The following LURAP1L variants were observed in gnomAD, a reference collection of about 807,000 sequenced individuals.
LURAP1L encodes the protein leucine rich adaptor protein 1-like.
In LURAP1L, 12 loss-of-function variants were observed where a neutral mutation model predicts 13.8. That is an observed-to-expected ratio of 0.87 (90% CI 0.56 to 1.41). The LOEUF is 1.41. LURAP1L is among the 40% of genes most tolerant of loss of function. The pLI, the probability that LURAP1L is intolerant of heterozygous loss-of-function variation, is 0.00. For synonymous variants in LURAP1L, 139 were observed against 119.2 expected (o/e 1.17, Z -1.08); for missense variants, 375 against 292.9 (o/e 1.28, Z -2.04).
intron 1 of LURAP1L, among the ~76,000 whole-genome samples, chr9:12,803,713 A>C (rs964327735): frequency 3.3e-5 from 5 of 152,216 alleles, no homozygotes; most frequent in African/African-American, 1.2e-4. Context: ...AGTGTGTCTT[A>C]ATAAATGTAA....
At chr9:12,788,897 A>C (rs1040111842) in intron 1 of LURAP1L, among the ~76,000 whole-genome samples, 1 of 148,828 alleles carries the variant, frequency 6.7e-6, no homozygotes, top group Non-Finnish European at 1.5e-5. Context: ...CCCTATATCT[A>C]TATATATATA....
At chr9:12,777,714 G>GTCCCA (rs1481725153) in intron 1 of LURAP1L, 1 of 338,698 alleles carries the variant, frequency 3.0e-6, no homozygotes, top group Non-Finnish European at 4.2e-6. Flanking sequence ...ACCCCACCCT[G>GTCCCA]TCCCAAGGAA....
intron 1 of LURAP1L, among the ~76,000 whole-genome samples, chr9:12,815,779 T>G (rs1413383418): frequency 6.6e-6 from 1 of 152,198 alleles, no homozygotes; most frequent in Non-Finnish European, 1.5e-5. Context: ...GAAGATATAT[T>G]CAGCAGCTCA....
chr9:12,787,601 G>C (rs2118479886), intron 1 of LURAP1L, among the ~76,000 whole-genome samples: 1 of 152,218 alleles, frequency 6.6e-6, no homozygotes, highest in South Asian at 2.1e-4. Context: ...ATCAACCTTT[G>C]GTTGAACTTC....
At chr9:12,815,003 AT>A (rs1285127662) in intron 1 of LURAP1L, among the ~76,000 whole-genome samples, 1 of 152,198 alleles carries the variant, frequency 6.6e-6, no homozygotes, top group Non-Finnish European at 1.5e-5. Context: ...CTTTTGCATA[AT>A]TGTAGGCTTT....
intron 1 of LURAP1L, among the ~76,000 whole-genome samples, chr9:12,820,374 G>T (rs1160735396): frequency 6.6e-6 from 1 of 151,844 alleles, no homozygotes; most frequent in Non-Finnish European, 1.5e-5. Context: ...GTGGTGGCGG[G>T]GGCCTGTAGT....
rs1156319988 is a variant in LURAP1L at position 12,820,508 on chromosome 9, C to A, written c.313-878C>A. 8.2e-4 allele frequency among the ~76,000 whole-genome samples: 64 copies of A among 77,624 alleles called. 4 individuals are homozygous for A. Among genetic ancestry groups the A allele is most frequent in the African/African-American group, 2.8e-3 (59 of 21,298 alleles). The allele number at this position is 77,624 out of a possible 152,430, so 50.9% of individuals were successfully genotyped here. On this transcript the variant is annotated intron_variant, in intron 1 of 1. Transcript: ENST00000319264. ...ACAGATCGAGACTCCGTCCCCCCCC[C>A]CCCCCCAAAAAAAAAAAAGGACCAC... is the stretch of plus-strand genomic sequence containing the variant.
chr9:12,786,676 A>G (rs1474452556), intron 1 of LURAP1L, among the ~76,000 whole-genome samples: 1 of 149,906 alleles, frequency 6.7e-6, no homozygotes, highest in Admixed American at 6.7e-5. Context: ...GATGCTCATG[A>G]TAACAAAACA....
At chr9:12,781,020 G>A (rs1586874080) in intron 1 of LURAP1L, among the ~76,000 whole-genome samples, 1 of 152,084 alleles carries the variant, frequency 6.6e-6, no homozygotes, top group East Asian at 1.9e-4. Context: ...TGCCCAGGCT[G>A]GAGTGCAATG....
chr9:12,821,656 A>G lies in LURAP1L; in HGVS notation c.583A>G (p.Thr195Ala). 6.2e-7 allele frequency: 1 copy of G among 1,614,112 alleles called. No individual in the cohort carries two copies. Residue 195 changes from threonine to alanine, a missense_variant, in exon 2 of 2, where the codon ACC becomes GCC. By Grantham distance (58) the Thr-to-Ala change is moderately conservative. Coordinates refer to ENST00000319264, the MANE Select transcript of LURAP1L (RefSeq NM_203403.2). The part of the protein sequence containing the change: ...TLADDVPGHQ[T>A]PSDLDQFSDS... ...GGCGGATGATGTCCCAGGCCATCAGACCCCTTCAGACTTGGACCAATTCAG... is the reference window on the plus strand; with the variant it reads ...GGCGGATGATGTCCCAGGCCATCAGGCCCCTTCAGACTTGGACCAATTCAG...
intron 1 of LURAP1L, among the ~76,000 whole-genome samples, chr9:12,796,162 C>T (rs1586880323): frequency 1.3e-5 from 2 of 151,608 alleles, no homozygotes; most frequent in East Asian, 3.9e-4. Flanking sequence ...CTATGATTTC[C>T]CATTTATATA....
intron 1 of LURAP1L, among the ~76,000 whole-genome samples, chr9:12,798,516 T>G (rs1371224180): frequency 6.6e-6 from 1 of 152,212 alleles, no homozygotes; most frequent in Non-Finnish European, 1.5e-5. Flanking sequence ...TAGTAAGAAC[T>G]GAGAAAAGTA....
intron 1 of LURAP1L, among the ~76,000 whole-genome samples, chr9:12,793,939 G>T (rs183651443): frequency 2.6e-5 from 4 of 152,000 alleles, no homozygotes; most frequent in African/African-American, 7.2e-5. Flanking sequence ...AATGGATGCC[G>T]CTTTCTGTGT....
chr9:12,779,564 A>G (rs1251530460), intron 1 of LURAP1L, among the ~76,000 whole-genome samples: 1 of 151,864 alleles, frequency 6.6e-6, no homozygotes, highest in Non-Finnish European at 1.5e-5. Context: ...GCCACCGTGT[A>G]CGGCCGAAAC....
chr9:12,788,580 A>C (rs1241037931), intron 1 of LURAP1L, among the ~76,000 whole-genome samples: 3 of 152,138 alleles, frequency 2.0e-5, no homozygotes, highest in Non-Finnish European at 4.4e-5. Context: ...ATAATGGCAA[A>C]TATGTTATTT....
chr9:12,814,638 G>C (rs948382115), intron 1 of LURAP1L, among the ~76,000 whole-genome samples: 2 of 152,124 alleles, frequency 1.3e-5, no homozygotes, highest in Non-Finnish European at 2.9e-5. Flanking sequence ...GAGCAGGCCT[G>C]GTGGCCGGAA....
At chr9:12,816,966 T>C (rs1164156300) in intron 1 of LURAP1L, among the ~76,000 whole-genome samples, 2 of 152,182 alleles carry the variant, frequency 1.3e-5, no homozygotes, top group Non-Finnish European at 2.9e-5. Context: ...GTTCAGTTCA[T>C]TTTGCCAAGT....
chr9:12,811,547 G>C (rs981785179), intron 1 of LURAP1L, among the ~76,000 whole-genome samples: 1 of 151,906 alleles, frequency 6.6e-6, no homozygotes, highest in Admixed American at 6.6e-5. Context: ...TTTTGTTTTT[G>C]TTAACAAGTA....
At chr9:12,794,935 A>T (rs1819492987) in intron 1 of LURAP1L, among the ~76,000 whole-genome samples, 1 of 152,018 alleles carries the variant, frequency 6.6e-6, no homozygotes, top group Non-Finnish European at 1.5e-5. Context: ...ATCATCAGGT[A>T]GGTAAAGTAT....
Sources: gnomAD v4.1 joint callset for allele counts (sites outside exome capture counted in the v4.1 genomes callset) on GRCh38, gnomAD v4.1.1 for gene constraint, MANE v1.5 for transcripts, NCBI Gene and HGNC (gene_info 2026-07-23, HGNC 2026-07-21) for gene names.